SMC1A: variants seen among roughly 807,000 people sequenced by gnomAD.
SMC1A encodes the protein structural maintenance of chromosomes 1A.
Under a neutral mutation model 94.5 loss-of-function variants are expected in SMC1A, and 4 were observed. That is an observed-to-expected ratio of 0.04 (90% CI 0.02 to 0.10). The LOEUF (loss-of-function observed/expected upper bound fraction) is 0.10. Among genes scored for constraint, SMC1A ranks in the 10% least tolerant of loss-of-function variants. SMC1A has a pLI of 1.00. For synonymous variants in SMC1A, 345 were observed against 347.7 expected (o/e 0.99, Z 0.09); for missense variants, 304 against 989.0 (o/e 0.31, Z 9.29).
Position 53,422,510 on chromosome X carries a change from T to C in SMC1A, c.91A>G (p.Ile31Val). The C allele has an allele frequency of 8.4e-7, 1 of 1,194,394 alleles. No homozygotes were observed. Among genetic ancestry groups the C allele is most frequent in the East Asian group, 3.0e-5 (1 of 33,732 alleles). The change falls in exon 1 of 25, where the codon ATT (isoleucine) becomes GTT (valine). Residue 31 changes from isoleucine (I) to valine (V), a missense_variant. Around this residue, in one of 11 missense-constraint regions of SMC1A, gnomAD observed 8 missense variants for 58.2 expected, o/e 0.14. Coordinates refer to ENST00000322213, the MANE Select transcript of SMC1A (RefSeq NM_006306.4). ...IGPFQRFTAI[I>V]GPNGSGKSNL... Reference sequence around the variant, plus strand: ...ATCTCACCAGAGCCATTGGGTCCAATGATGGCGGTGAACCTCTGAAATGGT... The same window carrying C: ...ATCTCACCAGAGCCATTGGGTCCAACGATGGCGGTGAACCTCTGAAATGGT...
rs2075573622 is a variant in SMC1A, at chrX:53,379,521, G to A, written c.*582C>T. 1 of 116,042 alleles carries A rather than the reference G, an allele frequency of 8.6e-6. No individual in the cohort carries two copies. Among genetic ancestry groups the A allele is most frequent in the Non-Finnish European group, 1.8e-5 (1 of 54,867 alleles). 9.6% of individuals were successfully genotyped at this position (116,042 alleles called of 1,213,427 possible). A position where few individuals can be genotyped will look rare whatever the true frequency, so the allele number is the denominator to read the frequency against. On this transcript the variant is annotated 3_prime_UTR_variant, in exon 25 of 25. Transcript: ENST00000322213. ...TTCCAAGCACAGAGCCTGACAAATA[G>A]AGGGTGTTCGGTATGTGTCTGATGA...
chrX:53,393,253 T>TC (rs1262449487), intron 19 of SMC1A, among the ~76,000 whole-genome samples: 2 of 110,243 alleles, frequency 1.8e-5, no homozygotes, highest in Non-Finnish European at 3.8e-5. Context: ...GGGGACATAA[T>TC]CAGCCAAATC....
chrX:53,403,171 CAAAAAAAAAAAAAAA>C (rs59213412), intron 15 of SMC1A, among the ~76,000 whole-genome samples: 3 of 30,038 alleles, frequency 1.0e-4, no homozygotes, highest in Admixed American at 6.3e-4. Context: ...GATCCTGTGT[CAAAAAAAAAAAAAAA>C]AAAAAAAAAA....
At position 53,413,954 on chromosome X, in the gene SMC1A, G is replaced by A. The variant is rs907222137; in HGVS notation, c.412-519C>T. Among the ~76,000 whole-genome samples, 4 of 108,987 alleles carry A rather than the reference G, an allele frequency of 3.7e-5. No individual in the cohort carries two copies. In the Admixed American group the frequency reaches 3.9e-4, roughly 11 times the overall value. 94.6% of individuals were successfully genotyped at this position (108,987 alleles called of 115,157 possible). A position where few individuals can be genotyped will look rare whatever the true frequency, so the allele number is the denominator to read the frequency against. Reference sequence around the variant, plus strand: ...TAGCCAGGCATGGCGGCGGGCGCCTGTAGTCCCAGCTACTTGGGAGGCTGA... The same window carrying A: ...TAGCCAGGCATGGCGGCGGGCGCCTATAGTCCCAGCTACTTGGGAGGCTGA... On this transcript the variant is annotated intron_variant, in intron 3 of 24. Transcript: ENST00000322213.
intron 18 of SMC1A, 137 bp downstream of exon 18, chrX:53,396,090 G>C (rs2075650011): frequency 1.3e-6 from 1 of 746,782 alleles, no homozygotes; most frequent in Admixed American, 2.3e-5. Flanking sequence ...CCTCATTTCT[G>C]CTGCATCCCT....
At chrX:53,409,587 C>T in intron 7 of SMC1A, 84 bp from the exon 8 acceptor site, 8 of 746,616 alleles carry the variant, frequency 1.1e-5, no homozygotes, top group Non-Finnish European at 1.7e-5. Context: ...CTTTATGTGC[C>T]CACTCATCCA....
At chrX:53,388,909 A>C (rs2075615751) in intron 19 of SMC1A, among the ~76,000 whole-genome samples, 1 of 104,835 alleles carries the variant, frequency 9.5e-6, no homozygotes, top group South Asian at 4.5e-4. Context: ...AGGCAGGAGA[A>C]TGGCATGAAC....
rs1556892171 is a variant in SMC1A, at chrX:53,422,022, G to A, written c.109+470C>T. The A allele has an allele frequency of 2.5e-6, 3 of 1,210,002 alleles. No individual in the cohort carries two copies. The South Asian group carries it at 5.3e-5, about 21-fold the overall frequency. On this transcript the variant is annotated intron_variant, in intron 1 of 24. Transcript: ENST00000322213. ...AAGGAGTTGGAGTGTACCAATGCGA[G>A]GCGAGAGAGGACGCTGGGCTGAAAC... is the stretch of plus-strand genomic sequence containing the variant.
At chrX:53,401,702 A>G (rs1427263587) in intron 15 of SMC1A, among the ~76,000 whole-genome samples, 1 of 110,722 alleles carries the variant, frequency 9.0e-6, no homozygotes, top group Non-Finnish European at 1.9e-5. Context: ...ATATATACCC[A>G]TAGGTTTTAT....
At chrX:53,398,183 CAAA>C (rs10543081) in intron 16 of SMC1A, among the ~76,000 whole-genome samples, 1 of 58,441 alleles carries the variant, frequency 1.7e-5, no homozygotes, top group Admixed American at 2.1e-4. Flanking sequence ...AACTGAGTCT[CAAA>C]AAAAAAAAAA....
intron 7 of SMC1A, among the ~76,000 whole-genome samples, chrX:53,410,480 C>T (rs1467686940): frequency 9.1e-6 from 1 of 109,896 alleles, no homozygotes; most frequent in Non-Finnish European, 1.9e-5. Context: ...GTCATCCCAC[C>T]TACACGGGTG....
At chrX:53,403,530 G>A (rs2075679771) in intron 15 of SMC1A, 36 bp downstream of exon 15, 1 of 1,065,092 alleles carries the variant, frequency 9.4e-7, no homozygotes, top group African/African-American at 1.9e-5. Context: ...GAGGCTCAAG[G>A]GCATGCCAAT....
intron 1 of SMC1A, chrX:53,421,986 A>AG (rs782349651): frequency 8.3e-7 from 1 of 1,209,804 alleles, no homozygotes; most frequent in South Asian, 1.8e-5. Context: ...CCGCCTCCAG[A>AG]GAAGAGTAGA....
intron 18 of SMC1A, 121 bp from the exon 19 acceptor site, chrX:53,395,009 AG>A: frequency 1.9e-6 from 1 of 517,735 alleles, no homozygotes; most frequent in Non-Finnish European, 3.5e-6. Context: ...CCATGGCAGA[AG>A]GAACAGAGGC....
intron 13 of SMC1A, among the ~76,000 whole-genome samples, 172 bp from the exon 14 acceptor site, chrX:53,404,065 T>C (rs782592944): frequency 8.1e-5 from 9 of 111,403 alleles, no homozygotes; most frequent in Non-Finnish European, 1.7e-4. Context: ...AGCCATCACA[T>C]GGCTTCTTCC....
At chrX:53,385,836 T>A (rs1556886421) in intron 19 of SMC1A, among the ~76,000 whole-genome samples, 1 of 112,288 alleles carries the variant, frequency 8.9e-6, no homozygotes, top group African/African-American at 3.2e-5. Flanking sequence ...ATATAACTAT[T>A]AAAGCAAAAT....
At chrX:53,389,175 A>T (rs2146587821) in intron 19 of SMC1A, among the ~76,000 whole-genome samples, 1 of 106,533 alleles carries the variant, frequency 9.4e-6, no homozygotes, top group Non-Finnish European at 1.9e-5. Flanking sequence ...GCAGGACACA[A>T]TCAGTAAAGT....
intron 15 of SMC1A, among the ~76,000 whole-genome samples, chrX:53,403,107 T>C (rs937185777): frequency 3.4e-5 from 3 of 87,853 alleles, no homozygotes; most frequent in African/African-American, 1.3e-4. Flanking sequence ...GAGGACCACC[T>C]GAGCCTGGGA....
chrX:53,394,166 A>G (rs954647660), intron 19 of SMC1A, among the ~76,000 whole-genome samples: 1 of 108,883 alleles, frequency 9.2e-6, no homozygotes, highest in African/African-American at 3.3e-5. Flanking sequence ...AAAAAAAAAA[A>G]AAAAAAAAGA....
Sources: allele counts gnomAD v4.1 joint callset (sites outside exome capture counted in the v4.1 genomes callset), GRCh38; gene constraint gnomAD v4.1.1; regional missense constraint gnomAD v4.1.1; transcripts MANE v1.5; gene names NCBI Gene and HGNC (gene_info 2026-07-23, HGNC 2026-07-21).